Variants in ATE1 observed in about 807,000 individuals in gnomAD.
The protein encoded by ATE1 is arginyltransferase 1, also known as arginyl-tRNA--protein transferase 1.
A neutral mutation model predicts 70.5 loss-of-function variants in ATE1; 36 were observed. The ratio of observed to expected loss-of-function variants is 0.51; its 90% CI spans 0.39 to 0.67. The LOEUF (loss-of-function observed/expected upper bound fraction) is 0.67, where lower values mean the gene tolerates loss of function less well. ATE1 is among the 30% of genes least tolerant of loss of function. The pLI is 0.00. For synonymous variants in ATE1, 232 were observed against 219.3 expected (o/e 1.06, Z -0.51); for missense variants, 593 against 629.5 (o/e 0.94, Z 0.62).
intron 7 of ATE1, among the ~76,000 whole-genome samples, chr10:121,898,508 C>T (rs1270752009): frequency 6.6e-6 from 1 of 152,120 alleles, no homozygotes; most frequent in African/African-American, 2.4e-5. Context: ...ATTTGATTAT[C>T]AATTTCTTGA....
At chr10:121,800,868 C>T (rs1946850523) in intron 10 of ATE1, among the ~76,000 whole-genome samples, 1 of 152,098 alleles carries the variant, frequency 6.6e-6, no homozygotes, top group African/African-American at 2.4e-5. Flanking sequence ...AGAATAAAGG[C>T]TTATTAAACC....
chr10:121,919,707 G>A (rs78092753), intron 3 of ATE1, among the ~76,000 whole-genome samples: 13 of 151,866 alleles, frequency 8.6e-5, no homozygotes, highest in South Asian at 4.2e-4. Context: ...AGAGTAGCGC[G>A]GCCAACATGG....
chr10:121,864,783 G>A (rs952415174), intron 8 of ATE1, among the ~76,000 whole-genome samples: 1 of 151,884 alleles, frequency 6.6e-6, no homozygotes, highest in Non-Finnish European at 1.5e-5. Context: ...TTTTCAACAG[G>A]AAGCTATTTT....
At chr10:121,840,819 AAAT>A (rs1948601185) in intron 9 of ATE1, among the ~76,000 whole-genome samples, 1 of 150,400 alleles carries the variant, frequency 6.6e-6, no homozygotes, top group African/African-American at 2.4e-5. Context: ...GTTTATTTTA[AAAT>A]TCAATGTGAC....
intron 8 of ATE1, among the ~76,000 whole-genome samples, chr10:121,860,781 G>GTGCC (rs1297487918): frequency 5.6e-4 from 86 of 152,266 alleles, no homozygotes; most frequent in African/African-American, 1.9e-3. Context: ...GTGAGGCACT[G>GTGCC]TCAAAAAGGC....
intron 11 of ATE1, 22 bp from the exon 12 acceptor site, chr10:121,743,880 A>G (rs896266754): frequency 8.1e-6 from 11 of 1,360,652 alleles, no homozygotes; most frequent in Admixed American, 2.3e-5. Flanking sequence ...AAAAATACTG[A>G]TTTGTAAAAT....
At chr10:121,912,034 C>T (rs969190930) in intron 4 of ATE1, among the ~76,000 whole-genome samples, 8 of 152,044 alleles carry the variant, frequency 5.3e-5, no homozygotes, top group Non-Finnish European at 2.9e-5. Flanking sequence ...GCGTGAACCA[C>T]CATGCCCGGC....
intron 9 of ATE1, among the ~76,000 whole-genome samples, chr10:121,840,758 T>C (rs904578134): frequency 6.6e-6 from 1 of 150,748 alleles, no homozygotes; most frequent in Non-Finnish European, 1.5e-5. Flanking sequence ...ATATATTACA[T>C]AACTATATAC....
At chr10:121,789,252 T>C (rs150077762) in intron 11 of ATE1, among the ~76,000 whole-genome samples, 4 of 149,010 alleles carry the variant, frequency 2.7e-5, no homozygotes, top group South Asian at 2.1e-4. Flanking sequence ...CAGCTGATCA[T>C]GAAGCCAGGA....
chr10:121,791,074 G>A lies in ATE1; in HGVS notation c.1258-785C>T, dbSNP rs1461956461. ...TGTATACGTGTGTGTGTGTGTGTGT[G>A]TGTGTGTGTGTGTGTATATATATTT... On this transcript the variant is annotated intron_variant, in intron 10 of 11. Transcript: ENST00000224652. 7.8e-3 allele frequency among the ~76,000 whole-genome samples: 324 copies of A among 41,682 alleles called. 5 individuals carry two copies. Among genetic ancestry groups the A allele is most frequent in the African/African-American group, 0.019 (277 of 14,808 alleles). The allele number at this position is 41,682 out of a possible 152,430, so 27.3% of individuals were successfully genotyped here.
intron 11 of ATE1, among the ~76,000 whole-genome samples, chr10:121,784,891 G>C (rs1230213584): frequency 6.6e-6 from 1 of 152,058 alleles, no homozygotes; most frequent in Non-Finnish European, 1.5e-5. Context: ...TAATACAATA[G>C]AGTGATATTT....
chr10:121,769,931 T>C lies in ATE1; in HGVS notation c.1378+20238A>G, dbSNP rs1039529375. On this transcript the variant is annotated intron_variant, in intron 11 of 11. Transcript: ENST00000224652. ...TGTTGGGAATGTAAAATGGCAGCCA[T>C]GCCGGAAAATAGTTTGGCAGTTTCT... is the stretch of plus-strand genomic sequence containing the variant. 3.9e-5 allele frequency among the ~76,000 whole-genome samples: 6 copies of C among 152,232 alleles called. No individual in the cohort carries two copies. In the East Asian group the frequency reaches 9.6e-4, roughly 24 times the overall value.
intron 7 of ATE1, among the ~76,000 whole-genome samples, chr10:121,886,939 A>T (rs1028914499): frequency 6.6e-6 from 1 of 152,250 alleles, no homozygotes; most frequent in Non-Finnish European, 1.5e-5. Context: ...ACTTTCATAT[A>T]CAAAAATGTA....
intron 11 of ATE1, 99 bp from the exon 12 acceptor site, chr10:121,743,957 C>A (rs1242930308): frequency 4.6e-6 from 6 of 1,290,356 alleles, no homozygotes; most frequent in African/African-American, 3.6e-5. Flanking sequence ...GAGTCTTGCT[C>A]TGTCGCCCAG....
rs1435814529 is a variant in ATE1 at position 121,928,023 on chromosome 10, C to T, written c.-74G>A. The T allele has an allele frequency of 3.8e-5, 49 of 1,291,736 alleles. No homozygotes were observed. The South Asian group carries it at 5.6e-4, about 15-fold the overall frequency. 80.0% of individuals were successfully genotyped at this position (1,291,736 alleles called of 1,614,324 possible). ...CGGCCGCCGCCGCCACCCCACAATG[C>T]AGCGCGCCGCCCGGGAGCCTCCCGA... On this transcript the variant is annotated 5_prime_UTR_variant, in exon 1 of 12. Coordinates refer to ENST00000224652, the MANE Select transcript of ATE1 (RefSeq NM_001001976.3).
At chr10:121,927,159 G>C in intron 1 of ATE1, 1 of 985,312 alleles carries the variant, frequency 1.0e-6, no homozygotes, top group Non-Finnish European at 1.2e-6. Flanking sequence ...CTCCCCCAAA[G>C]AAATCTGAAT....
rs182400615 is a variant in ATE1 at position 121,778,860 on chromosome 10, C to T, written c.1378+11309G>A. ...TCAAGTGATCCGCCTGCCTCTGCCT[C>T]CCAAAGTTCTGGGATTACAGGTTCA... On this transcript the variant is annotated intron_variant, in intron 11 of 11. Transcript: ENST00000224652. 2.9e-4 allele frequency among the ~76,000 whole-genome samples: 44 copies of T among 152,220 alleles called. No homozygotes were observed. In the East Asian group the frequency reaches 7.3e-3, roughly 25 times the overall value.
At chr10:121,883,298 G>A (rs747409885) in intron 7 of ATE1, among the ~76,000 whole-genome samples, 1 of 151,948 alleles carries the variant, frequency 6.6e-6, no homozygotes, top group Non-Finnish European at 1.5e-5. Context: ...TTCCACAAGA[G>A]CAAGAGATCT....
intron 11 of ATE1, among the ~76,000 whole-genome samples, chr10:121,789,567 G>A (rs1378938771): frequency 6.6e-6 from 1 of 152,030 alleles, no homozygotes; most frequent in Non-Finnish European, 1.5e-5. Context: ...CCAAAGTGCT[G>A]GGATTATAGG....
Sources: gnomAD v4.1 joint callset for allele counts (sites outside exome capture counted in the v4.1 genomes callset) on GRCh38, gnomAD v4.1.1 for gene constraint, MANE v1.5 for transcripts, NCBI Gene and HGNC (gene_info 2026-07-23, HGNC 2026-07-21) for gene names.